WNT2: variants seen among roughly 807,000 people sequenced by gnomAD.
WNT2 encodes the protein protein Wnt-2.
A neutral mutation model predicts 36.9 loss-of-function variants in WNT2; 12 were observed. That is an observed-to-expected ratio of 0.33 (90% CI 0.21 to 0.53). The LOEUF is 0.53. WNT2 is among the 20% of genes least tolerant of loss of function. The pLI, the probability that WNT2 is intolerant of heterozygous loss-of-function variation, is 0.95. For missense variants in WNT2, 379 were observed against 473.1 expected, an observed-to-expected ratio of 0.80 and a Z score of 1.84; for synonymous variants, 163 against 174.6, an observed-to-expected ratio of 0.93 and a Z score of 0.52.
At position 117,278,092 on chromosome 7, in the gene WNT2, GT is replaced by G. The variant is rs1406697254; in HGVS notation, c.*62del. On this transcript the variant is annotated 3_prime_UTR_variant, in exon 5 of 5. Transcript: ENST00000265441. ...CCCCCAGAAAGAACCCAAAGGTCCAGTGTTCTTGCAGATCCAATGGAGTCCT... is the reference window on the plus strand; with the variant it reads ...CCCCCAGAAAGAACCCAAAGGTCCAGGTTCTTGCAGATCCAATGGAGTCCT... 17 of 1,549,700 alleles carry G rather than the reference GT, an allele frequency of 1.1e-5. No homozygotes were observed. The Admixed American group carries it at 2.9e-4, about 26-fold the overall frequency.
intron 3 of WNT2, among the ~76,000 whole-genome samples, chr7:117,304,210 A>C (rs1196545373): frequency 6.6e-6 from 1 of 152,212 alleles, no homozygotes; most frequent in East Asian, 1.9e-4. Context: ...GTATACCTCC[A>C]CAGGCTTTTG....
At chr7:117,303,417 A>G (rs1794945980) in intron 3 of WNT2, among the ~76,000 whole-genome samples, 1 of 152,154 alleles carries the variant, frequency 6.6e-6, no homozygotes, top group Admixed American at 6.5e-5. Context: ...CTTTGGAGGG[A>G]ATGAAAGATG....
At chr7:117,303,246 G>C (rs1794941850) in intron 3 of WNT2, among the ~76,000 whole-genome samples, 1 of 152,194 alleles carries the variant, frequency 6.6e-6, no homozygotes, top group Non-Finnish European at 1.5e-5. Flanking sequence ...GGGGCCTATG[G>C]AGGGTTACAG....
chr7:117,299,364 A>G lies in WNT2; in HGVS notation c.589-1488T>C, dbSNP rs546973485. Among the ~76,000 whole-genome samples the G allele has an allele frequency of 5.9e-4, 90 of 152,342 alleles. 3 individuals are homozygous for G. The South Asian group carries it at 0.017, about 29-fold the overall frequency. The stretch of plus-strand genomic sequence containing the variant: ...AAAACTCACTCCACATCAAGTACTT[A>G]GGAATTAAATATGAATGCTCATTCT... On this transcript the variant is annotated intron_variant, in intron 3 of 4. Transcript: ENST00000265441.
At position 117,283,817 on chromosome 7, in the gene WNT2, T is replaced by C. The variant is rs1794536580; in HGVS notation, c.854-5433A>G. Among the ~76,000 whole-genome samples, 4 of 152,192 alleles carry C rather than the reference T, an allele frequency of 2.6e-5. No homozygotes were observed. The South Asian group carries it at 8.3e-4, about 32-fold the overall frequency. ...TTATAAAATGCTGGAAAACACAATCTGAACATGCCACTCTCCACCGGCTGC... is the reference window on the plus strand; with the variant it reads ...TTATAAAATGCTGGAAAACACAATCCGAACATGCCACTCTCCACCGGCTGC... On this transcript the variant is annotated intron_variant, in intron 4 of 4. Transcript: ENST00000265441.
chr7:117,314,803 G>A (rs1795183376), intron 3 of WNT2, among the ~76,000 whole-genome samples: 2 of 152,186 alleles, frequency 1.3e-5, no homozygotes, highest in Admixed American at 6.5e-5. Flanking sequence ...AGTGTCCAGA[G>A]AGACCATAAA....
intron 3 of WNT2, among the ~76,000 whole-genome samples, chr7:117,311,738 T>C (rs1018798125): frequency 2.0e-5 from 3 of 152,142 alleles, no homozygotes; most frequent in Non-Finnish European, 4.4e-5. Flanking sequence ...TAATCTTAAC[T>C]TCACAAAAGG....
chr7:117,311,373 T>G (rs948604753), intron 3 of WNT2, among the ~76,000 whole-genome samples: 1 of 152,130 alleles, frequency 6.6e-6, no homozygotes, highest in Non-Finnish European at 1.5e-5. Flanking sequence ...AAAAGCAATA[T>G]GGAAATGTAG....
chr7:117,307,646 C>T (rs1230305521), intron 3 of WNT2, among the ~76,000 whole-genome samples: 1 of 152,198 alleles, frequency 6.6e-6, no homozygotes, highest in Non-Finnish European at 1.5e-5. Flanking sequence ...TTTCTTAAGT[C>T]AGTTCTTCTG....
intron 4 of WNT2, among the ~76,000 whole-genome samples, chr7:117,286,891 T>A (rs1794591203): frequency 6.6e-6 from 1 of 152,148 alleles, no homozygotes; most frequent in Admixed American, 6.5e-5. Flanking sequence ...GGAATTAAAG[T>A]TGTTCTGGTC....
At chr7:117,294,593 T>TAAAAAAAAAAAAAA (rs5886850) in intron 4 of WNT2, among the ~76,000 whole-genome samples, 1 of 128,418 alleles carries the variant, frequency 7.8e-6, no homozygotes, top group Non-Finnish European at 1.7e-5. Context: ...AACTGGCAAC[T>TAAAAAAAAAAAAAA]AAAAAAAAAA....
rs1794823407 is a variant in WNT2, at chr7:117,297,835, C to A, written c.630G>T (p.Gly210=). 1.9e-6 allele frequency: 3 copies of A among 1,613,872 alleles called. No individual in the cohort carries two copies. The highest frequency in any genetic ancestry group is 2.2e-5 in the East Asian group (1 of 44,882). ...RFLKQECKCH[G]VSGSCTLRTC... ...TCCTGAGAGTACATGAGCCGCTCAC[C>A]CCGTGGCACTTGCACTCTTGTTTCA... The change falls in exon 4 of 5, where the codon GGG becomes GGT. Residue 210 remains glycine, a synonymous_variant. Transcript: ENST00000265441.
At chr7:117,321,838 C>A (rs1194526338) in intron 1 of WNT2, among the ~76,000 whole-genome samples, 2 of 152,186 alleles carry the variant, frequency 1.3e-5, no homozygotes, top group Admixed American at 1.3e-4. Context: ...AATGTCAAGG[C>A]TAAACGCCTC....
At chr7:117,293,552 G>T (rs1230324681) in intron 4 of WNT2, among the ~76,000 whole-genome samples, 8 of 152,158 alleles carry the variant, frequency 5.3e-5, no homozygotes, top group Non-Finnish European at 1.5e-5. Context: ...GTCAGGAAGG[G>T]TTAATGCTGA....
chr7:117,312,673 A>G (rs1341578893), intron 3 of WNT2, among the ~76,000 whole-genome samples: 2 of 152,216 alleles, frequency 1.3e-5, no homozygotes, highest in Non-Finnish European at 2.9e-5. Context: ...TCAATCAAGG[A>G]TGAGCATTTA....
At chr7:117,296,952 C>T (rs1794801791) in intron 4 of WNT2, among the ~76,000 whole-genome samples, 1 of 152,154 alleles carries the variant, frequency 6.6e-6, no homozygotes, top group South Asian at 2.1e-4. Flanking sequence ...GGGCAGATTT[C>T]AGAAGAGTCT....
At position 117,275,787 on chromosome 7, in the gene WNT2, T is replaced by C. The variant is rs989851915; in HGVS notation, c.*2368A>G. On this transcript the variant is annotated 3_prime_UTR_variant, in exon 5 of 5. Transcript: ENST00000265441. ...AAAAGCCGATAGCAATATTTCATTC[T>C]CTTATTTTTCCCACCTCAGTGGCAG... 1.3e-5 allele frequency among the ~76,000 whole-genome samples: 2 copies of C among 152,196 alleles called. No homozygotes were observed. Among genetic ancestry groups the C allele is most frequent in the Admixed American group, 6.5e-5 (1 of 15,286 alleles).
At chr7:117,299,988 G>A (rs1794872027) in intron 3 of WNT2, among the ~76,000 whole-genome samples, 1 of 152,100 alleles carries the variant, frequency 6.6e-6, no homozygotes, top group African/African-American at 2.4e-5. Context: ...AACAGTTTTT[G>A]TTCAGATGTT....
At chr7:117,306,580 T>G (rs1041074884) in intron 3 of WNT2, among the ~76,000 whole-genome samples, 5 of 152,210 alleles carry the variant, frequency 3.3e-5, no homozygotes, top group African/African-American at 1.2e-4. Flanking sequence ...TTGTTCTACT[T>G]CCTTCTTCTT....
Sources: allele counts gnomAD v4.1 joint callset (sites outside exome capture counted in the v4.1 genomes callset), GRCh38; gene constraint gnomAD v4.1.1; transcripts MANE v1.5; gene names NCBI Gene and HGNC (gene_info 2026-07-23, HGNC 2026-07-21).